Variants in TMEFF2 observed in about 807,000 individuals in gnomAD.
The protein encoded by TMEFF2 is tomoregulin-2.
Under a neutral mutation model 53.8 loss-of-function variants are expected in TMEFF2, and 28 were observed. That is an observed-to-expected ratio of 0.52 (90% CI 0.39 to 0.71). The LOEUF (loss-of-function observed/expected upper bound fraction) is 0.71, where lower values mean the gene tolerates loss of function less well. Among genes scored for constraint, TMEFF2 ranks in the 30% least tolerant of loss-of-function variants. The probability of loss-of-function intolerance (pLI) is 0.00; values close to 1 mark genes in which losing one functional copy is unlikely to be tolerated. For synonymous variants in TMEFF2, 162 were observed against 166.3 expected (o/e 0.97, Z 0.20); for missense variants, 353 against 455.2 (o/e 0.78, Z 2.04).
At chr2:191,975,611 A>G (rs1022524917) in intron 7 of TMEFF2, among the ~76,000 whole-genome samples, 1 of 151,664 alleles carries the variant, frequency 6.6e-6, no homozygotes, top group Admixed American at 6.6e-5. Flanking sequence ...TAGTAGTTTT[A>G]TTTTTTTATT....
At chr2:192,189,053 A>G (rs1432507682) in intron 2 of TMEFF2, among the ~76,000 whole-genome samples, 2 of 152,154 alleles carry the variant, frequency 1.3e-5, no homozygotes, top group African/African-American at 4.8e-5. Flanking sequence ...GGAGAAAACA[A>G]TTATCTCACC....
chr2:192,094,579 G>A (rs1368922082), intron 4 of TMEFF2, among the ~76,000 whole-genome samples: 1 of 152,104 alleles, frequency 6.6e-6, no homozygotes, highest in Non-Finnish European at 1.5e-5. Context: ...TGTGGCTGAA[G>A]AGGATGCCCT....
chr2:192,188,830 TCTATCTATCTATCTATCTATCTA>T lies in TMEFF2; in HGVS notation c.282+3027_282+3049del, dbSNP rs1574448091. On this transcript the variant is annotated intron_variant, in intron 2 of 9. Transcript: ENST00000272771. Reference sequence around the variant, plus strand: ...CCCTTCCTTCCTCCCCGCTTTTCTATCTATCTATCTATCTATCTATCTATCTATCTATCTATCTATCTATCTAT... The same window carrying T: ...CCCTTCCTTCCTCCCCGCTTTTCTATTCTATCTATCTATCTATCTATCTAT... 1.5e-3 allele frequency among the ~76,000 whole-genome samples: 206 copies of T among 139,408 alleles called. 2 individuals carry two copies. The East Asian group carries it at 0.032, about 21-fold the overall frequency. The allele number at this position is 139,408 out of a possible 152,430, so 91.5% of individuals were successfully genotyped here. A position where few individuals can be genotyped will look rare whatever the true frequency, so the allele number is the denominator to read the frequency against.
intron 7 of TMEFF2, among the ~76,000 whole-genome samples, chr2:191,978,283 A>C (rs1685778153): frequency 6.6e-6 from 1 of 152,130 alleles, no homozygotes; most frequent in African/African-American, 2.4e-5. Context: ...TTGTGGTCAA[A>C]GGGATCTCAG....
At chr2:191,954,197 T>A (rs907557749) in intron 8 of TMEFF2, among the ~76,000 whole-genome samples, 2 of 152,196 alleles carry the variant, frequency 1.3e-5, no homozygotes, top group South Asian at 2.1e-4. Context: ...TGCATTCATT[T>A]TTATAGTTGA....
At chr2:192,179,717 T>C in intron 3 of TMEFF2, 23 bp from the exon 4 acceptor site, 2 of 1,521,098 alleles carry the variant, frequency 1.3e-6, no homozygotes, top group Non-Finnish European at 8.7e-7. Flanking sequence ...AAGTTATATT[T>C]GCTAGTAAAA....
Position 192,081,800 on chromosome 2 carries a change from C to CTTTT in TMEFF2, c.440-24029_440-24026dup, listed in dbSNP as rs900552541. 2.5e-3 allele frequency among the ~76,000 whole-genome samples: 332 copies of CTTTT among 130,350 alleles called. 4 individuals carry two copies. The highest frequency in any genetic ancestry group is 9.5e-3 in the African/African-American group (315 of 33,328). 85.5% of individuals were successfully genotyped at this position (130,350 alleles called of 152,430 possible). A position where few individuals can be genotyped will look rare whatever the true frequency, so the allele number is the denominator to read the frequency against. ...GTACCATAATTATTAAACGATTTCCCTTTTTTTTTTTTTTTTTTTGACATG... is the reference window on the plus strand; with the variant it reads ...GTACCATAATTATTAAACGATTTCCCTTTTTTTTTTTTTTTTTTTTTTTGACATG... On this transcript the variant is annotated intron_variant, in intron 4 of 9. Coordinates refer to ENST00000272771, the MANE Select transcript of TMEFF2 (RefSeq NM_016192.4).
chr2:192,119,295 G>A (rs1689489606), intron 4 of TMEFF2, among the ~76,000 whole-genome samples: 1 of 152,114 alleles, frequency 6.6e-6, no homozygotes, highest in Non-Finnish European at 1.5e-5. Context: ...ATAACATTTT[G>A]CATAATTGAG....
At chr2:192,147,013 C>T (rs540403912) in intron 4 of TMEFF2, among the ~76,000 whole-genome samples, 15 of 152,190 alleles carry the variant, frequency 9.9e-5, no homozygotes, top group Admixed American at 7.9e-4. Flanking sequence ...CATTAAAAGG[C>T]ATAATTAAAA....
At chr2:192,067,969 C>T (rs557585063) in intron 4 of TMEFF2, among the ~76,000 whole-genome samples, 22 of 152,040 alleles carry the variant, frequency 1.4e-4, no homozygotes, top group Admixed American at 3.9e-4. Flanking sequence ...ATGTCACTTA[C>T]TGAAATGAAA....
At chr2:192,179,635 A>G in intron 4 of TMEFF2, 33 bp downstream of exon 4, 1 of 1,562,742 alleles carries the variant, frequency 6.4e-7, no homozygotes, top group Non-Finnish European at 8.7e-7. Flanking sequence ...ATCCACCAGT[A>G]AATCTTCAAA....
intron 7 of TMEFF2, among the ~76,000 whole-genome samples, chr2:191,985,849 G>C (rs1685963028): frequency 6.6e-6 from 1 of 152,128 alleles, no homozygotes; most frequent in African/African-American, 2.4e-5. Flanking sequence ...AGGTAAGACA[G>C]CACACCAATA....
chr2:192,083,843 G>A (rs1688608382), intron 4 of TMEFF2, among the ~76,000 whole-genome samples: 1 of 151,752 alleles, frequency 6.6e-6, no homozygotes, highest in Admixed American at 6.6e-5. Flanking sequence ...TTTGACTTAA[G>A]GTTCAACTCA....
intron 4 of TMEFF2, among the ~76,000 whole-genome samples, chr2:192,171,993 T>A (rs1574433829): frequency 6.6e-6 from 1 of 151,826 alleles, no homozygotes; most frequent in Non-Finnish European, 1.5e-5. Context: ...CTACTTAGAG[T>A]ATTTCACTCA....
At chr2:191,982,504 C>CAAAA (rs10678696) in intron 7 of TMEFF2, among the ~76,000 whole-genome samples, 1,621 of 138,578 alleles carry the variant, frequency 0.012, 38 homozygotes, top group African/African-American at 0.041. Flanking sequence ...TGAAAACAGG[C>CAAAA]AAAAAAAAAA....
intron 1 of TMEFF2, among the ~76,000 whole-genome samples, chr2:192,192,644 C>T (rs1691491533): frequency 6.6e-6 from 1 of 152,172 alleles, no homozygotes; most frequent in Admixed American, 6.5e-5. Context: ...ATGCAGTCCC[C>T]TTTAAAATAT....
At chr2:192,178,170 T>G (rs1166026554) in intron 4 of TMEFF2, 1 of 151,108 alleles carries the variant, frequency 6.6e-6, no homozygotes, top group Non-Finnish European at 1.5e-5. Flanking sequence ...CATATAAAAC[T>G]AAACAGCTAG....
chr2:192,087,654 T>C (rs528332795), intron 4 of TMEFF2, among the ~76,000 whole-genome samples: 6 of 152,300 alleles, frequency 3.9e-5, no homozygotes, highest in African/African-American at 1.4e-4. Flanking sequence ...TGATCCGTTA[T>C]AACTAGATAC....
chr2:192,161,448 G>A (rs1276369301), intron 4 of TMEFF2, among the ~76,000 whole-genome samples: 1 of 152,030 alleles, frequency 6.6e-6, no homozygotes, highest in Admixed American at 6.6e-5. Context: ...CCACCTCACC[G>A]GCCTGAAACA....
Sources: gnomAD v4.1 joint callset for allele counts (sites outside exome capture counted in the v4.1 genomes callset) on GRCh38, gnomAD v4.1.1 for gene constraint, MANE v1.5 for transcripts, NCBI Gene and HGNC (gene_info 2026-07-23, HGNC 2026-07-21) for gene names.